The following DOCK1 variants were observed in gnomAD, a reference collection of about 807,000 sequenced individuals.
DOCK1 encodes the protein dedicator of cytokinesis protein 1.
In DOCK1, 138 loss-of-function variants were observed where a neutral mutation model predicts 262.7. The ratio of observed to expected loss-of-function variants is 0.53; its 90% CI spans 0.46 to 0.61. The LOEUF is 0.61. DOCK1 is among the 20% of genes least tolerant of loss of function. DOCK1 has a pLI of 0.00. For missense variants in DOCK1, 1,908 were observed against 2,370.7 expected, an observed-to-expected ratio of 0.80 and a Z score of 4.05; for synonymous variants, 866 against 867.4, an observed-to-expected ratio of 1.00 and a Z score of 0.03.
chr10:127,083,320 C>T (rs2047013185), intron 23 of DOCK1, among the ~76,000 whole-genome samples: 1 of 152,192 alleles, frequency 6.6e-6, no homozygotes, highest in African/African-American at 2.4e-5. Flanking sequence ...CCCTCCCTTC[C>T]CAGGACCCCT....
intron 29 of DOCK1, among the ~76,000 whole-genome samples, chr10:127,262,311 A>C (rs1022753929): frequency 1.2e-4 from 18 of 151,938 alleles, no homozygotes; most frequent in African/African-American, 4.1e-4. Context: ...TGTTGGTTTC[A>C]AGTAAAGACA....
At chr10:127,217,341 A>ATATGCTG (rs1426579823) in intron 27 of DOCK1, among the ~76,000 whole-genome samples, 1 of 152,188 alleles carries the variant, frequency 6.6e-6, no homozygotes, top group Non-Finnish European at 1.5e-5. Flanking sequence ...TTCATTAGTG[A>ATATGCTG]TATGCTGTAT....
chr10:127,190,678 C>CTG (rs1356252784), intron 27 of DOCK1, among the ~76,000 whole-genome samples: 1 of 69,444 alleles, frequency 1.4e-5, no homozygotes, highest in African/African-American at 5.9e-5. Context: ...CCCCCCCCCC[C>CTG]CCCCCGTTCC....
intron 21 of DOCK1, among the ~76,000 whole-genome samples, chr10:127,044,276 T>G (rs192252986): frequency 1.1e-3 from 169 of 152,318 alleles, no homozygotes; most frequent in African/African-American, 3.8e-3. Flanking sequence ...TAATATACCC[T>G]GGTCCTGCAC....
intron 16 of DOCK1, among the ~76,000 whole-genome samples, chr10:127,029,186 G>A (rs2043077435): frequency 6.6e-6 from 1 of 152,190 alleles, no homozygotes; most frequent in South Asian, 2.1e-4. Flanking sequence ...ACAGCTTGTG[G>A]GATTTTGGAA....
intron 23 of DOCK1, among the ~76,000 whole-genome samples, chr10:127,068,679 A>G (rs1198526434): frequency 6.6e-6 from 1 of 152,198 alleles, no homozygotes; most frequent in Non-Finnish European, 1.5e-5. Flanking sequence ...TTTTACAGTG[A>G]TGAGCTCTTT....
At chr10:127,261,302 TGTGTGTGTGC>T (rs1439329193) in intron 29 of DOCK1, among the ~76,000 whole-genome samples, 6 of 111,528 alleles carry the variant, frequency 5.4e-5, no homozygotes, top group Non-Finnish European at 1.1e-4. Context: ...TGTGGGTGTG[TGTGTGTGTGC>T]CTGCATGTGT....
At chr10:127,353,426 G>A (rs989869702) in intron 31 of DOCK1, among the ~76,000 whole-genome samples, 3 of 152,156 alleles carry the variant, frequency 2.0e-5, no homozygotes, top group African/African-American at 2.4e-5. Context: ...TATGCAGGGC[G>A]CTTTCCTCTC....
intron 16 of DOCK1, among the ~76,000 whole-genome samples, chr10:127,028,620 T>C (rs1164297400): frequency 2.0e-5 from 3 of 152,206 alleles, no homozygotes; most frequent in Non-Finnish European, 4.4e-5. Flanking sequence ...ACTTCTTTCC[T>C]TTGGCTTTTA....
intron 29 of DOCK1, among the ~76,000 whole-genome samples, chr10:127,269,222 G>T (rs1466868772): frequency 6.6e-6 from 1 of 152,134 alleles, no homozygotes; most frequent in Non-Finnish European, 1.5e-5. Flanking sequence ...TTTGTTCAGA[G>T]CCTGACCTCC....
rs183454399 is a variant in DOCK1 at position 127,297,001 on chromosome 10, C to T, written c.3044+39572C>T. ...TTGCTGTGGCCTCATGTGAGCTTGG[C>T]TGTGGAATCAGGGAGGCCAGCACAG... On this transcript the variant is annotated intron_variant, in intron 29 of 51. Coordinates refer to ENST00000623213, the MANE Select transcript of DOCK1 (RefSeq NM_001290223.2). 1.3e-3 allele frequency among the ~76,000 whole-genome samples: 194 copies of T among 152,268 alleles called. 2 individuals are homozygous for T. Among genetic ancestry groups the T allele is most frequent in the African/African-American group, 4.3e-3 (177 of 41,574 alleles).
chr10:127,257,279 A>C, intron 28 of DOCK1, 56 bp from the exon 29 acceptor site: 1 of 1,354,504 alleles, frequency 7.4e-7, no homozygotes, highest in Non-Finnish European at 1.0e-6. Flanking sequence ...ACAGGAGGGT[A>C]TCATGTTTAC....
At position 127,222,043 on chromosome 10, in the gene DOCK1, G is replaced by A. The variant is rs533518222; in HGVS notation, c.2848-25965G>A. On this transcript the variant is annotated intron_variant, in intron 27 of 51. Transcript: ENST00000623213. ...CGTAACAAAGTAATATTATGGCAGGGTGTTTGACAGAGACTCTTTAGCTTA... is the reference window on the plus strand; with the variant it reads ...CGTAACAAAGTAATATTATGGCAGGATGTTTGACAGAGACTCTTTAGCTTA... Among the ~76,000 whole-genome samples, 224 of 152,278 alleles carry A rather than the reference G, an allele frequency of 1.5e-3. 1 individual carries two copies. The highest frequency in any genetic ancestry group is 5.1e-3 in the African/African-American group (210 of 41,540).
chr10:127,054,441 T>C (rs1457128195), intron 22 of DOCK1, among the ~76,000 whole-genome samples: 1 of 152,214 alleles, frequency 6.6e-6, no homozygotes, highest in African/African-American at 2.4e-5. Flanking sequence ...GATATTACAC[T>C]CTTTTATTTT....
At chr10:127,062,561 G>A (rs1486449494) in intron 23 of DOCK1, among the ~76,000 whole-genome samples, 1 of 152,168 alleles carries the variant, frequency 6.6e-6, no homozygotes, top group African/African-American at 2.4e-5. Context: ...TGAGCTAAGG[G>A]GCTGTGGGCC....
intron 27 of DOCK1, among the ~76,000 whole-genome samples, chr10:127,234,251 C>T (rs530391240): frequency 1.3e-5 from 2 of 152,136 alleles, no homozygotes; most frequent in Admixed American, 1.3e-4. Flanking sequence ...AAAATATTGA[C>T]AGATGTTGGC....
chr10:127,048,665 A>T (rs543382296), intron 21 of DOCK1, among the ~76,000 whole-genome samples: 5 of 152,214 alleles, frequency 3.3e-5, no homozygotes, highest in Non-Finnish European at 7.3e-5. Flanking sequence ...TAAACTAAAC[A>T]ATTACTTCCG....
chr10:126,925,724 CTGTGTGTGTGTGTGTGTGTG>C lies in DOCK1; in HGVS notation c.46+20188_46+20207del, dbSNP rs71032531. ...AACACATACACACACATTGCAGAGT[CTGTGTGTGTGTGTGTGTGTG>C]TGTGTGTGTGTGTGTGTGTGTGTGT... On this transcript the variant is annotated intron_variant, in intron 1 of 51. Transcript: ENST00000623213. Among the ~76,000 whole-genome samples the C allele has an allele frequency of 3.1e-3, 434 of 141,318 alleles. 3 individuals are homozygous for C. Among genetic ancestry groups the C allele is most frequent in the African/African-American group, 9.8e-3 (377 of 38,556 alleles). The allele number at this position is 141,318 out of a possible 152,430, so 92.7% of individuals were successfully genotyped here. A position where few individuals can be genotyped will look rare whatever the true frequency, so the allele number is the denominator to read the frequency against.
chr10:126,924,504 GTC>G (rs2033523945), intron 1 of DOCK1, among the ~76,000 whole-genome samples: 1 of 152,112 alleles, frequency 6.6e-6, no homozygotes, highest in African/African-American at 2.4e-5. Flanking sequence ...TGCTGGAACT[GTC>G]TCTGGGGAGC....
Sources: gnomAD v4.1 joint callset for allele counts (sites outside exome capture counted in the v4.1 genomes callset) on GRCh38, gnomAD v4.1.1 for gene constraint, MANE v1.5 for transcripts, NCBI Gene and HGNC (gene_info 2026-07-23, HGNC 2026-07-21) for gene names.